MED12L: variants seen among roughly 807,000 people sequenced by gnomAD.
MED12L encodes mediator of RNA polymerase II transcription subunit 12-like protein.
In MED12L, 60 loss-of-function variants were observed where a neutral mutation model predicts 281.3. The observed-to-expected ratio is 0.21, with a 90% CI of 0.17 to 0.26. The LOEUF (loss-of-function observed/expected upper bound fraction) is 0.26. Ranked by LOEUF, MED12L falls within the 10% of genes least tolerant of loss-of-function variation. The pLI is 1.00. For synonymous variants in MED12L, 974 were observed against 987.2 expected (o/e 0.99, Z 0.25); for missense variants, 2,146 against 2,680.9 (o/e 0.80, Z 4.41).
intron 16 of MED12L, chr3:151,213,653 G>T (rs768110075): frequency 1.2e-6 from 2 of 1,614,116 alleles, no homozygotes; most frequent in South Asian, 2.2e-5. Flanking sequence ...GTGGAATTCC[G>T]ACTTGACTTA....
intron 8 of MED12L, among the ~76,000 whole-genome samples, chr3:151,162,039 A>G (rs1720066464): frequency 1.3e-5 from 2 of 152,020 alleles, no homozygotes; most frequent in South Asian, 4.1e-4. Flanking sequence ...GTGTTTATGA[A>G]GAGAAGAGAA....
chr3:151,390,080 C>T lies in MED12L; in HGVS notation c.5553C>T (p.Leu1851=), dbSNP rs759804512. 16 of 1,614,046 alleles carry T rather than the reference C, an allele frequency of 9.9e-6. No homozygotes were observed. The Middle Eastern group carries it at 6.6e-4, about 66-fold the overall frequency. The part of the protein sequence containing the change: ...HPQSTLWGYN[L]VGQPQQPGFF... ...AGTCCACCTTGTGGGGTTACAACCT[C>T]GTGGGCCAGCCCCAGCAGCCCGGCT... Residue 1851 remains leucine, a synonymous_variant, in exon 38 of 45, where the codon CTC becomes CTT. Transcript: ENST00000687756.
chr3:151,154,418 T>C (rs6767918), intron 5 of MED12L, among the ~76,000 whole-genome samples: 43,254 of 152,074 alleles, frequency 0.28, 7,524 homozygotes, highest in African/African-American at 0.48. Context: ...GAAAATATTT[T>C]GTGATTATAG....
At chr3:151,380,312 A>G in intron 32 of MED12L, 88 bp downstream of exon 32, 1 of 897,356 alleles carries the variant, frequency 1.1e-6, no homozygotes, top group East Asian at 2.9e-5. Context: ...TTAAATTAAT[A>G]AGGGCCAGGT....
chr3:151,092,224 ACT>A (rs141054154), intron 2 of MED12L, among the ~76,000 whole-genome samples: 3,280 of 151,088 alleles, frequency 0.022, 113 homozygotes, highest in East Asian at 0.17. Context: ...TAGCTCGGAA[ACT>A]CCCCCACAGG....
At chr3:151,228,679 G>A (rs1411187409) in intron 16 of MED12L, among the ~76,000 whole-genome samples, 1 of 152,170 alleles carries the variant, frequency 6.6e-6, no homozygotes, top group Non-Finnish European at 1.5e-5. Context: ...ATGAAGTCCA[G>A]AGTGTTTCAG....
At chr3:151,338,885 A>G in intron 16 of MED12L, 1 of 1,594,988 alleles carries the variant, frequency 6.3e-7, no homozygotes, top group African/African-American at 1.3e-5. Flanking sequence ...GAGGATGGTT[A>G]TTTTCAGCCT....
chr3:151,367,805 G>A, intron 24 of MED12L, 39 bp downstream of exon 24: 3 of 1,575,348 alleles, frequency 1.9e-6, no homozygotes, highest in Middle Eastern at 1.7e-4. Flanking sequence ...CTCTTTGATT[G>A]TTGTCTTGAT....
chr3:151,232,936 T>C (rs1012134241), intron 16 of MED12L, among the ~76,000 whole-genome samples: 2 of 152,220 alleles, frequency 1.3e-5, no homozygotes, highest in African/African-American at 4.8e-5. Flanking sequence ...TTTTTTAATA[T>C]TGTTTAAAAC....
chr3:151,230,271 G>T (rs1441296738), intron 16 of MED12L, among the ~76,000 whole-genome samples: 2 of 152,232 alleles, frequency 1.3e-5, no homozygotes, highest in African/African-American at 2.4e-5. Flanking sequence ...ACCGCACCCG[G>T]CCGGGATCTG....
chr3:151,129,386 A>G (rs1715019308), intron 5 of MED12L, among the ~76,000 whole-genome samples: 4 of 152,194 alleles, frequency 2.6e-5, no homozygotes, highest in Admixed American at 2.0e-4. Flanking sequence ...AGAAATGCCC[A>G]GGAAAAAATA....
chr3:151,380,049 G>A, intron 31 of MED12L, 64 bp from the exon 32 acceptor site: 1 of 1,008,990 alleles, frequency 9.9e-7, no homozygotes, highest in Non-Finnish European at 1.5e-6. Flanking sequence ...AGAAATGAAT[G>A]TTGCCAGAGG....
At chr3:151,396,790 AGCAC>A (rs1335521759) in intron 39 of MED12L, among the ~76,000 whole-genome samples, 2 of 152,204 alleles carry the variant, frequency 1.3e-5, no homozygotes, top group Admixed American at 6.5e-5. Context: ...AGTTGTTCCT[AGCAC>A]TAGGGAAAAG....
intron 16 of MED12L, among the ~76,000 whole-genome samples, chr3:151,230,301 G>C (rs1731397211): frequency 6.6e-6 from 1 of 152,162 alleles, no homozygotes; most frequent in South Asian, 2.1e-4. Flanking sequence ...ATGCGTGTCT[G>C]TTTTAGAACA....
At position 151,165,506 on chromosome 3, in the gene MED12L, A is replaced by G. The variant is rs756950372; in HGVS notation, c.1344A>G (p.Gln448=). 21 of 1,613,072 alleles carry G rather than the reference A, an allele frequency of 1.3e-5. No homozygotes were observed. The highest frequency in any genetic ancestry group is 1.7e-5 in the Non-Finnish European group (20 of 1,179,148). The change falls in exon 10 of 45, where the codon CAA becomes CAG. Residue 448 remains glutamine (Q), a synonymous_variant. Coordinates refer to ENST00000687756, the MANE Select transcript of MED12L (RefSeq NM_001393769.1). ...TTCGGTGGTCATTTGACAAGTGCCAAGAATCCACAGCAGGTACAGAATGCC... is the reference window on the plus strand; with the variant it reads ...TTCGGTGGTCATTTGACAAGTGCCAGGAATCCACAGCAGGTACAGAATGCC... ...VEVRWSFDKC[Q]ESTAGVTISR...
chr3:151,242,046 G>A (rs577277771), intron 16 of MED12L, among the ~76,000 whole-genome samples: 8 of 152,180 alleles, frequency 5.3e-5, no homozygotes, highest in East Asian at 1.9e-4. Context: ...ACTCCCACCC[G>A]AATACTGCGC....
chr3:151,150,700 C>A (rs952856868), intron 5 of MED12L, among the ~76,000 whole-genome samples: 2 of 152,222 alleles, frequency 1.3e-5, no homozygotes, highest in African/African-American at 4.8e-5. Context: ...CTGTAGTCAC[C>A]TTCATCAATG....
At chr3:151,182,609 G>A (rs1163262069) in intron 11 of MED12L, among the ~76,000 whole-genome samples, 3 of 152,148 alleles carry the variant, frequency 2.0e-5, no homozygotes, top group Non-Finnish European at 4.4e-5. Context: ...ACTGAGGCCC[G>A]AGGTGGAGGT....
intron 2 of MED12L, among the ~76,000 whole-genome samples, chr3:151,087,290 G>C (rs935549498): frequency 6.6e-6 from 1 of 152,244 alleles, no homozygotes; most frequent in Non-Finnish European, 1.5e-5. Context: ...GCCGCCGGGC[G>C]CTTCTCGGGC....
Sources: gnomAD v4.1 joint callset for allele counts (sites outside exome capture counted in the v4.1 genomes callset) on GRCh38, gnomAD v4.1.1 for gene constraint, MANE v1.5 for transcripts, NCBI Gene and HGNC (gene_info 2026-07-23, HGNC 2026-07-21) for gene names.